The following ANKS1B variants were observed in gnomAD, a reference collection of about 807,000 sequenced individuals.
ANKS1B encodes the protein ankyrin repeat and sterile alpha motif domain-containing protein 1B.
ANKS1B carries 36 observed loss-of-function variants against 148.3 expected under a neutral mutation model. The ratio of observed to expected loss-of-function variants is 0.24; its 90% CI spans 0.19 to 0.32. The LOEUF (loss-of-function observed/expected upper bound fraction) is 0.32, where lower values mean the gene tolerates loss of function less well. Ranked by LOEUF, ANKS1B falls within the 10% of genes least tolerant of loss-of-function variation. The probability of loss-of-function intolerance (pLI) is 1.00; values close to 1 mark genes in which losing one functional copy is unlikely to be tolerated. For missense variants in ANKS1B, 1,157 were observed against 1,542.6 expected (o/e 0.75, Z 4.19); for synonymous variants, 542 against 560.8 (o/e 0.97, Z 0.47).
intron 17 of ANKS1B, among the ~76,000 whole-genome samples, chr12:98,934,343 A>G (rs1287958810): frequency 6.6e-6 from 1 of 152,046 alleles, no homozygotes; most frequent in Non-Finnish European, 1.5e-5. Context: ...ATTCTACTCC[A>G]TTAGCCTATA....
chr12:99,614,858 T>C (rs1473288209), intron 9 of ANKS1B, among the ~76,000 whole-genome samples: 2 of 150,330 alleles, frequency 1.3e-5, no homozygotes, highest in African/African-American at 4.9e-5. Flanking sequence ...AGTGAAAATA[T>C]TCCTTTCGGT....
Position 99,620,419 on chromosome 12 carries a change from A to C in ANKS1B, c.1272+34648T>G, listed in dbSNP as rs74770249. ...TCAAAAGTGACAGATAAAGAATTTA[A>C]AGCATTGATTGCAAAGAAGCTCAAC... On this transcript the variant is annotated intron_variant, in intron 9 of 26. Transcript: ENST00000683438. Among the ~76,000 whole-genome samples, 542 of 152,318 alleles carry C rather than the reference A, an allele frequency of 3.6e-3. 5 individuals are homozygous for C. The highest frequency in any genetic ancestry group is 0.012 in the African/African-American group (511 of 41,574).
At chr12:98,967,751 TAAAAA>T (rs544792811) in intron 17 of ANKS1B, among the ~76,000 whole-genome samples, 1 of 81,360 alleles carries the variant, frequency 1.2e-5, no homozygotes, top group South Asian at 3.5e-4. Context: ...CAGACAAATC[TAAAAA>T]AAAAAAAAAA....
chr12:99,737,716 A>T (rs1302450025), intron 8 of ANKS1B, among the ~76,000 whole-genome samples: 1 of 152,006 alleles, frequency 6.6e-6, no homozygotes, highest in African/African-American at 2.4e-5. Flanking sequence ...TCCCTTCAAC[A>T]TCACTTTTTC....
chr12:99,711,791 T>C (rs1172583707), intron 8 of ANKS1B, among the ~76,000 whole-genome samples: 2 of 152,148 alleles, frequency 1.3e-5, no homozygotes, highest in African/African-American at 4.8e-5. Flanking sequence ...AGTGTGGAAA[T>C]TCCTCAAAGA....
At chr12:99,635,306 A>G (rs2098222120) in intron 9 of ANKS1B, among the ~76,000 whole-genome samples, 1 of 152,164 alleles carries the variant, frequency 6.6e-6, no homozygotes, top group Admixed American at 6.5e-5. Context: ...TTCCAAACCC[A>G]TATTATAGAA....
chr12:98,855,604 G>T (rs888198303), intron 17 of ANKS1B, among the ~76,000 whole-genome samples: 1 of 152,120 alleles, frequency 6.6e-6, no homozygotes, highest in African/African-American at 2.4e-5. Flanking sequence ...GAAAATATAC[G>T]CAGGATAAAA....
chr12:99,632,725 T>TTATATATA (rs1294251446), intron 9 of ANKS1B, among the ~76,000 whole-genome samples: 7 of 26,214 alleles, frequency 2.7e-4, no homozygotes, highest in East Asian at 1.6e-3. Context: ...TTCCTTTTCT[T>TTATATATA]TCTATATATA....
intron 9 of ANKS1B, among the ~76,000 whole-genome samples, chr12:99,552,500 A>G (rs1379133772): frequency 6.6e-6 from 1 of 152,222 alleles, no homozygotes; most frequent in Non-Finnish European, 1.5e-5. Context: ...CTCTCACTAA[A>G]TAGTTGTAAA....
Position 99,732,215 on chromosome 12 carries a change from G to A in ANKS1B, c.1128+40707C>T, listed in dbSNP as rs187418472. ...TACATTACTGATTGGAACTTAATAC[G>A]GTACAGCCACTTTGGAAAGCAGTTT... On this transcript the variant is annotated intron_variant, in intron 8 of 26. Coordinates refer to ENST00000683438, the MANE Select transcript of ANKS1B (RefSeq NM_001352186.2). Among the ~76,000 whole-genome samples, 586 of 152,144 alleles carry A rather than the reference G, an allele frequency of 3.9e-3. 3 individuals are homozygous for A. Among genetic ancestry groups the A allele is most frequent in the African/African-American group, 0.014 (565 of 41,506 alleles).
At chr12:99,891,127 A>G (rs2093080511) in intron 1 of ANKS1B, among the ~76,000 whole-genome samples, 1 of 152,200 alleles carries the variant, frequency 6.6e-6, no homozygotes, top group Non-Finnish European at 1.5e-5. Flanking sequence ...GATCACTCCT[A>G]AAACTTCTTG....
At chr12:99,411,634 G>T (rs566062993) in intron 11 of ANKS1B, among the ~76,000 whole-genome samples, 1 of 152,192 alleles carries the variant, frequency 6.6e-6, no homozygotes, top group East Asian at 1.9e-4. Flanking sequence ...TTCTCAAAAT[G>T]ATAGCCTACT....
intron 9 of ANKS1B, among the ~76,000 whole-genome samples, chr12:99,546,295 G>A (rs2097172329): frequency 6.6e-6 from 1 of 152,090 alleles, no homozygotes; most frequent in Admixed American, 6.6e-5. Context: ...ATATATATAA[G>A]GAAGGGCTAA....
intron 14 of ANKS1B, among the ~76,000 whole-genome samples, chr12:99,179,677 T>C (rs888102518): frequency 2.6e-5 from 4 of 152,038 alleles, no homozygotes; most frequent in Non-Finnish European, 5.9e-5. Flanking sequence ...TATGTGACCA[T>C]GGGAAAAACT....
intron 10 of ANKS1B, among the ~76,000 whole-genome samples, chr12:99,483,172 C>T (rs183730473): frequency 9.5e-4 from 143 of 150,556 alleles, no homozygotes; most frequent in Middle Eastern, 3.4e-3. Flanking sequence ...GAGATAGGTC[C>T]CTTCTATGCC....
chr12:99,906,970 G>T (rs1220801716), intron 1 of ANKS1B, among the ~76,000 whole-genome samples: 2 of 152,224 alleles, frequency 1.3e-5, no homozygotes, highest in African/African-American at 4.8e-5. Context: ...GTCCCATGGA[G>T]CACAGAGTAG....
At chr12:99,521,643 T>C (rs1310154333) in intron 9 of ANKS1B, among the ~76,000 whole-genome samples, 2 of 152,202 alleles carry the variant, frequency 1.3e-5, no homozygotes, top group Non-Finnish European at 2.9e-5. Context: ...AGATCTGAAA[T>C]GATTCTCTTG....
At chr12:99,703,947 T>A (rs142790121) in intron 8 of ANKS1B, among the ~76,000 whole-genome samples, 280 of 152,262 alleles carry the variant, frequency 1.8e-3, no homozygotes, top group Non-Finnish European at 3.1e-3. Flanking sequence ...ATAGCCAGTA[T>A]ATCTGGCATA....
intron 15 of ANKS1B, among the ~76,000 whole-genome samples, chr12:99,102,834 A>G (rs529974975): frequency 2.6e-5 from 4 of 152,216 alleles, no homozygotes; most frequent in South Asian, 2.1e-4. Flanking sequence ...CTGAGATGGG[A>G]GGGAAAATTT....
Sources: gnomAD v4.1 joint callset for allele counts (sites outside exome capture counted in the v4.1 genomes callset) on GRCh38, gnomAD v4.1.1 for gene constraint, MANE v1.5 for transcripts, NCBI Gene and HGNC (gene_info 2026-07-23, HGNC 2026-07-21) for gene names.